ZNF684: variants seen among roughly 807,000 people sequenced by gnomAD.
ZNF684 encodes hypothetical protein MGC27466.
Under a neutral mutation model 12.8 loss-of-function variants are expected in ZNF684, and 13 were observed. That is an observed-to-expected ratio of 1.02 (90% confidence interval 0.66 to 1.62). The LOEUF (loss-of-function observed/expected upper bound fraction) is 1.62. Among genes scored for constraint, ZNF684 ranks in the 40% most tolerant of loss-of-function variants. ZNF684 has a pLI of 0.00. For missense variants in ZNF684, 384 were observed against 446.9 expected, an observed-to-expected ratio of 0.86 and a Z score of 1.27; for synonymous variants, 118 against 151.8, an observed-to-expected ratio of 0.78 and a Z score of 1.64.
In ZNF684 at chr1:40,531,788, G is replaced by C. The variant is rs1645959793; in HGVS notation, c.-25+1G>C. 6.6e-6 allele frequency: 1 copy of C among 152,446 alleles called. No homozygotes were observed. The highest frequency in any genetic ancestry group is 1.5e-5 in the Non-Finnish European group (1 of 68,180). 9.4% of individuals were successfully genotyped at this position (152,446 alleles called of 1,614,324 possible). On this transcript the variant is annotated splice_donor_variant, in intron 1 of 4. Coordinates refer to ENST00000372699, the MANE Select transcript of ZNF684 (RefSeq NM_152373.4). LOFTEE classifies it low-confidence loss of function (5UTR_SPLICE). The stretch of plus-strand genomic sequence containing the variant: ...GAGCGAGGCAGTGAAAGGGTGGCAG[G>C]TATGGCTTTGCTGGACTCGGAGGAC...
intron 2 of ZNF684, among the ~76,000 whole-genome samples, chr1:40,536,280 G>C (rs1188066231): frequency 1.3e-5 from 2 of 151,582 alleles, no homozygotes; most frequent in African/African-American, 2.4e-5. Flanking sequence ...TGTAGTCCCA[G>C]CTACTCAGTA....
chr1:40,540,096 G>A (rs1367698563), intron 2 of ZNF684, among the ~76,000 whole-genome samples: 1 of 152,190 alleles, frequency 6.6e-6, no homozygotes, highest in Non-Finnish European at 1.5e-5. Context: ...ATGGAGCACA[G>A]AAGTTTTAAT....
At position 40,546,825 on chromosome 1, in the gene ZNF684, T is replaced by C; in HGVS notation, c.502T>C (p.Phe168Leu). Residue 168 changes from phenylalanine (F) to leucine (L), a missense_variant, in exon 5 of 5, where the codon TTC becomes CTC. Coordinates refer to ENST00000372699, the MANE Select transcript of ZNF684 (RefSeq NM_152373.4). ...TGAATGCAGTGAATGCGGGAAAGCC[T>C]TCAAAAAGAAGTTTCATTTCATTAG... Reference protein sequence around the residue: ...AYECSECGKAFKKKFHFIRHE... With the variant: ...AYECSECGKALKKKFHFIRHE... 1 of 1,611,952 alleles carries C rather than the reference T, an allele frequency of 6.2e-7. No homozygotes were observed. The highest frequency in any genetic ancestry group is 1.1e-5 in the South Asian group (1 of 90,344).
intron 2 of ZNF684, among the ~76,000 whole-genome samples, chr1:40,536,799 T>G (rs1270056403): frequency 6.6e-5 from 10 of 151,044 alleles, no homozygotes; most frequent in African/African-American, 2.4e-4. Context: ...TTACTGAGAA[T>G]GATGATTTCC....
rs749705694 is a variant in ZNF684, at chr1:40,547,447, A to G, written c.1124A>G (p.Lys375Arg). The G allele has an allele frequency of 4.4e-6, 7 of 1,600,686 alleles. No individual in the cohort carries two copies. In the African/African-American group the frequency reaches 9.4e-5, roughly 22 times the overall value. ...AAGTCAAATCTTATTGTACATCAGA[A>G]AATTCATACATAATATTCACTTTAT... ...SQKSNLIVHQ[K>R]IHT is the part of the protein sequence containing the mutation. The change falls in exon 5 of 5, where the codon AAA becomes AGA. Residue 375 changes from lysine (K) to arginine (R), a missense_variant. Transcript: ENST00000372699.
chr1:40,535,996 A>G (rs1429855475), intron 2 of ZNF684, among the ~76,000 whole-genome samples: 1 of 152,218 alleles, frequency 6.6e-6, no homozygotes, highest in Non-Finnish European at 1.5e-5. Flanking sequence ...CCTGCTGACA[A>G]TGGTCTTAAC....
chr1:40,546,079 C>T (rs1205058561), intron 4 of ZNF684, among the ~76,000 whole-genome samples: 10 of 151,960 alleles, frequency 6.6e-5, no homozygotes, highest in African/African-American at 2.4e-4. Context: ...TGTGCCACCA[C>T]ACCCGGCTAA....
intron 2 of ZNF684, among the ~76,000 whole-genome samples, chr1:40,534,035 G>A (rs1228934674): frequency 6.6e-6 from 1 of 151,566 alleles, no homozygotes; most frequent in Non-Finnish European, 1.5e-5. Flanking sequence ...TGTTGACCAG[G>A]CTGGTCTCGA....
rs2124513953 is a variant in ZNF684, at chr1:40,547,565, G to C, written c.*105G>C. 9 of 1,119,194 alleles carry C rather than the reference G, an allele frequency of 8.0e-6. 1 individual carries two copies. Among genetic ancestry groups the C allele is most frequent in the South Asian group, 7.6e-5 (4 of 52,514 alleles). The allele number at this position is 1,119,194 out of a possible 1,614,324, so 69.3% of individuals were successfully genotyped here. A position where few individuals can be genotyped will look rare whatever the true frequency, so the allele number is the denominator to read the frequency against. ...GTCTACAATTTAAATGAATTTGGAA[G>C]AGTAGATTCCCATAAAAAACAACCA... On this transcript the variant is annotated 3_prime_UTR_variant, in exon 5 of 5. Transcript: ENST00000372699.
chr1:40,538,795 C>T (rs1645998837), intron 2 of ZNF684, among the ~76,000 whole-genome samples: 3 of 151,094 alleles, frequency 2.0e-5, no homozygotes, highest in East Asian at 2.0e-4. Flanking sequence ...TGCACTCCAG[C>T]GTGGGTGACA....
chr1:40,542,998 A>G (rs1270793706), intron 4 of ZNF684, among the ~76,000 whole-genome samples: 4 of 148,526 alleles, frequency 2.7e-5, no homozygotes, highest in African/African-American at 1.0e-4. Context: ...TTCTGTTGAC[A>G]TAAACCAAAT....
chr1:40,545,295 G>T (rs1020111176), intron 4 of ZNF684, among the ~76,000 whole-genome samples: 2 of 152,138 alleles, frequency 1.3e-5, no homozygotes, highest in African/African-American at 4.8e-5. Context: ...AAACTTAAGC[G>T]TGGGGAATTA....
chr1:40,544,086 A>T (rs1454598841), intron 4 of ZNF684, among the ~76,000 whole-genome samples: 7 of 151,706 alleles, frequency 4.6e-5, no homozygotes, highest in Non-Finnish European at 1.0e-4. Flanking sequence ...ATTTATTGTT[A>T]TAGAGCCAGA....
intron 4 of ZNF684, among the ~76,000 whole-genome samples, chr1:40,543,650 G>T (rs1256573702): frequency 6.6e-6 from 1 of 151,928 alleles, no homozygotes; most frequent in South Asian, 2.1e-4. Flanking sequence ...TAGAGACGGG[G>T]TTTCACCACG....
rs1266912891 is a variant in ZNF684 at position 40,540,692 on chromosome 1, A to G, written c.122A>G (p.Tyr41Cys). The change falls in exon 3 of 5, where the codon TAT becomes TGT. Residue 41 changes from tyrosine (Y) to cysteine (C), a missense_variant. Physicochemically the swap from Tyr to Cys is radical, Grantham distance 194 (BLOSUM62 -2). Transcript: ENST00000372699. Reference sequence around the variant, plus strand: ...TATTGGGATGTGATGTTGGAGAACTATAGAAACCTCATCTCAGTGGGTAAG... The same window carrying G: ...TATTGGGATGTGATGTTGGAGAACTGTAGAAACCTCATCTCAGTGGGTAAG... Reference protein sequence around the residue: ...TLYWDVMLENYRNLISVGCPI... With the variant: ...TLYWDVMLENCRNLISVGCPI... The G allele has an allele frequency of 6.2e-7, 1 of 1,608,930 alleles. No homozygotes were observed. The highest frequency in any genetic ancestry group is 2.2e-5 in the East Asian group (1 of 44,532).
At chr1:40,535,804 G>A (rs1234212462) in intron 2 of ZNF684, among the ~76,000 whole-genome samples, 1 of 152,002 alleles carries the variant, frequency 6.6e-6, no homozygotes, top group Non-Finnish European at 1.5e-5. Context: ...ACCCTTCCTA[G>A]TCCTAACTTT....
intron 2 of ZNF684, among the ~76,000 whole-genome samples, chr1:40,535,773 A>C (rs190101344): frequency 3.9e-5 from 6 of 152,270 alleles, no homozygotes; most frequent in Non-Finnish European, 7.4e-5. Flanking sequence ...GTACTGAACT[A>C]TCTATACATT....
At chr1:40,532,059 A>T (rs1452898807) in intron 1 of ZNF684, among the ~76,000 whole-genome samples, 1 of 152,056 alleles carries the variant, frequency 6.6e-6, no homozygotes, top group African/African-American at 2.4e-5. Context: ...TGTTCATCTA[A>T]CTGTACCTTT....
chr1:40,537,142 T>C (rs1645989912), intron 2 of ZNF684, among the ~76,000 whole-genome samples: 2 of 152,138 alleles, frequency 1.3e-5, no homozygotes, highest in South Asian at 4.1e-4. Context: ...AGTGTAAAAG[T>C]GTTCCCATTT....
Sources: gnomAD v4.1 joint callset for allele counts (sites outside exome capture counted in the v4.1 genomes callset) on GRCh38, gnomAD v4.1.1 for gene constraint, MANE v1.5 for transcripts, NCBI Gene and HGNC (gene_info 2026-07-23, HGNC 2026-07-21) for gene names.